RAPGEFL1: variants seen among roughly 807,000 people sequenced by gnomAD.
The protein encoded by RAPGEFL1 is rap guanine nucleotide exchange factor-like 1.
Under a neutral mutation model 64.4 loss-of-function variants are expected in RAPGEFL1, and 31 were observed. The ratio of observed to expected loss-of-function variants is 0.48; its 90% CI spans 0.36 to 0.65. The LOEUF is 0.65. RAPGEFL1 is among the 30% of genes least tolerant of loss of function. The pLI, the probability that RAPGEFL1 is intolerant of heterozygous loss-of-function variation, is 0.00. For missense variants in RAPGEFL1, 682 were observed against 677.4 expected (o/e 1.01, Z -0.08); for synonymous variants, 331 against 274.1 (o/e 1.21, Z -2.05).
intron 14 of RAPGEFL1, 40 bp downstream of exon 14, chr17:40,193,457 T>C: frequency 1.6e-5 from 26 of 1,610,800 alleles, no homozygotes; most frequent in Non-Finnish European, 2.0e-5. Flanking sequence ...AGATAGAGCT[T>C]TGACTGAACG....
chr17:40,192,856 G>A lies in RAPGEFL1; in HGVS notation c.1745-70G>A, dbSNP rs926944494. The A allele has an allele frequency of 3.2e-4, 461 of 1,419,844 alleles. 4 individuals carry two copies. The highest frequency in any genetic ancestry group is 3.7e-4 in the Admixed American group (22 of 59,540). 88.0% of individuals were successfully genotyped at this position (1,419,844 alleles called of 1,614,324 possible). ...GGTTCTGGGGAAGAGCGGGGTCCTC[G>A]GGTGCAGTGGCCCCTTTCGAACTCC... On this transcript the variant is annotated intron_variant, in intron 12 of 14. Transcript: ENST00000620260.
chr17:40,191,343 G>C lies in RAPGEFL1; in HGVS notation c.1363G>C (p.Gly455Arg). 6.9e-6 allele frequency: 11 copies of C among 1,589,836 alleles called. No individual in the cohort carries two copies. The highest frequency in any genetic ancestry group is 8.5e-6 in the Non-Finnish European group (10 of 1,175,604). The change falls in exon 9 of 15, where the codon GGG (glycine) becomes CGG (arginine). Residue 455 changes from glycine to arginine, a missense_variant. Physicochemically the swap from Gly to Arg is moderately radical, Grantham distance 125. Around this residue, in one of 2 missense-constraint regions of RAPGEFL1, gnomAD observed 411 missense variants for 519.4 expected, o/e 0.79. Transcript: ENST00000620260. The surrounding 1 kb of genome is among the most constrained non-coding windows in gnomAD (Gnocchi z 5.1). ...ELEFVDYVFH[G>R]ERGRRETANL... ...GGAGTTCGTGGACTACGTGTTCCAC[G>C]GGGAGCGCGGCCGCCGGGAGACGGC...
intron 1 of RAPGEFL1, among the ~76,000 whole-genome samples, chr17:40,178,615 TTAC>T (rs1821241834): frequency 6.6e-6 from 1 of 152,192 alleles, no homozygotes; most frequent in South Asian, 2.1e-4. Flanking sequence ...GCTGAGCCTC[TTAC>T]TCTCCTTCAG....
Position 40,193,839 on chromosome 17 carries a change from A to G in RAPGEFL1, c.*51A>G, listed in dbSNP as rs767139378. ...CAGATCCTTGGGCACCTGGCACTCA[A>G]GCACTTTGCACGATGTCTCAACCAA... On this transcript the variant is annotated 3_prime_UTR_variant, in exon 15 of 15. Coordinates refer to ENST00000620260, the MANE Select transcript of RAPGEFL1 (RefSeq NM_016339.6). The G allele has an allele frequency of 6.2e-7, 1 of 1,611,478 alleles. No individual in the cohort carries two copies. Among genetic ancestry groups the G allele is most frequent in the East Asian group, 2.2e-5 (1 of 44,798 alleles).
chr17:40,186,259 G>A (rs991993183), intron 4 of RAPGEFL1, among the ~76,000 whole-genome samples: 38 of 142,544 alleles, frequency 2.7e-4, no homozygotes, highest in African/African-American at 8.9e-4. Flanking sequence ...GGGTGACAGA[G>A]TGGACTCCGT....
In RAPGEFL1 at chr17:40,184,420, A is replaced by G. The variant is rs1989997828; in HGVS notation, c.735+71A>G. ...GGAAGGGGGCCCCTGTGAAGGAGCCATACTTCTCATTCTGGGTACCTGGAA... is the reference window on the plus strand; with the variant it reads ...GGAAGGGGGCCCCTGTGAAGGAGCCGTACTTCTCATTCTGGGTACCTGGAA... On this transcript the variant is annotated intron_variant, in intron 3 of 14. Coordinates refer to ENST00000620260, the MANE Select transcript of RAPGEFL1 (RefSeq NM_016339.6). 6.6e-6 allele frequency: 9 copies of G among 1,357,982 alleles called. No homozygotes were observed. The South Asian group carries it at 9.1e-5, about 14-fold the overall frequency. The allele number at this position is 1,357,982 out of a possible 1,614,324, so 84.1% of individuals were successfully genotyped here.
intron 10 of RAPGEFL1, 33 bp from the exon 11 acceptor site, chr17:40,192,180 T>C: frequency 6.2e-7 from 1 of 1,605,200 alleles, no homozygotes; most frequent in Non-Finnish European, 8.5e-7. Flanking sequence ...AGCTCCACTC[T>C]GATATCCCTT....
At position 40,190,735 on chromosome 17, in the gene RAPGEFL1, C is replaced by T. The variant is rs746500316; in HGVS notation, c.1308C>T (p.His436=). ...TTGCCAACCACCTAACTGCCTTCCA[C>T]TGGGAGCTGTTCCGATGTGTGCATG... is the stretch of plus-strand genomic sequence containing the variant. ...EDVANHLTAF[H]WELFRCVHEL... is the part of the protein sequence containing the mutation. The change falls in exon 8 of 15, where the codon CAC becomes CAT. Residue 436 remains histidine, a synonymous_variant. Transcript: ENST00000620260. The T allele has an allele frequency of 1.2e-5, 20 of 1,614,188 alleles. No individual in the cohort carries two copies. The highest frequency in any genetic ancestry group is 3.3e-5 in the South Asian group (3 of 91,074).
chr17:40,190,674 G>C lies in RAPGEFL1; in HGVS notation c.1247G>C (p.Gly416Ala). The C allele has an allele frequency of 1.9e-6, 3 of 1,614,170 alleles. No individual in the cohort carries two copies. Among genetic ancestry groups the C allele is most frequent in the Non-Finnish European group, 2.5e-6 (3 of 1,180,026 alleles). The change falls in exon 8 of 15, where the codon GGA (glycine) becomes GCA (alanine). Residue 416 changes from glycine to alanine, a missense_variant. Transcript: ENST00000620260. Reference protein sequence around the residue: ...PLPEEIQVSPGDTEIHRVEPE... With the variant: ...PLPEEIQVSPADTEIHRVEPE... ...CCCGAGGAGATCCAGGTCTCCCCTG[G>C]AGACACAGAGATCCACCGAGTGGAG...
At position 40,194,789 on chromosome 17, in the gene RAPGEFL1, C is replaced by T. The variant is rs1048696667; in HGVS notation, c.*1001C>T. 1 of 152,452 alleles carries T rather than the reference C, an allele frequency of 6.6e-6. No individual in the cohort carries two copies. Among genetic ancestry groups the T allele is most frequent in the African/African-American group, 2.4e-5 (1 of 41,452 alleles). The allele number at this position is 152,452 out of a possible 1,614,324, so 9.4% of individuals were successfully genotyped here. A position where few individuals can be genotyped will look rare whatever the true frequency, so the allele number is the denominator to read the frequency against. On this transcript the variant is annotated 3_prime_UTR_variant, in exon 15 of 15. Transcript: ENST00000620260. ...CTGACACCAACAACATGGTCTCTGTCCCTCTCTCTTTGACTCTCCCTTTGT... is the reference window on the plus strand; with the variant it reads ...CTGACACCAACAACATGGTCTCTGTTCCTCTCTCTTTGACTCTCCCTTTGT...
chr17:40,189,071 G>A, intron 5 of RAPGEFL1, 93 bp downstream of exon 5: 1 of 1,466,052 alleles, frequency 6.8e-7, no homozygotes, highest in Non-Finnish European at 9.5e-7. Flanking sequence ...ATCTCCCTGG[G>A]TGGTAGAACC....
At position 40,188,853 on chromosome 17, in the gene RAPGEFL1, G is replaced by A; in HGVS notation, c.834-13G>A. On this transcript the variant is annotated splice_polypyrimidine_tract_variant and intron_variant, in intron 4 of 14. Transcript: ENST00000620260. ...TGGCAGGGCGTGCTGATGCCCAGCT[G>A]TGTCCATGCCAGGATTCCAGAGGAG... The A allele has an allele frequency of 1.2e-6, 2 of 1,610,576 alleles. No homozygotes were observed. The highest frequency in any genetic ancestry group is 1.3e-5 in the African/African-American group (1 of 74,984).
rs1440681863 is a variant in RAPGEFL1 at position 40,177,759 on chromosome 17, T to A, written c.-103T>A. On this transcript the variant is annotated 5_prime_UTR_variant, in exon 1 of 15. Coordinates refer to ENST00000620260, the MANE Select transcript of RAPGEFL1 (RefSeq NM_016339.6). ...TCTGGCGCCTGGCACGGCCCTCTAC[T>A]CTGCTCCTCCAGCTCTGAGCATCGT... 4.9e-6 allele frequency: 2 copies of A among 410,508 alleles called. No homozygotes were observed. The highest frequency in any genetic ancestry group is 4.1e-5 in the African/African-American group (2 of 48,400). 25.4% of individuals were successfully genotyped at this position (410,508 alleles called of 1,614,324 possible).
At chr17:40,190,815 T>C in intron 8 of RAPGEFL1, 53 bp downstream of exon 8, 8 of 1,603,948 alleles carry the variant, frequency 5.0e-6, no homozygotes, top group South Asian at 3.3e-5. Context: ...AAATGTGCCA[T>C]TGGGAGACGG....
At position 40,177,614 on chromosome 17, in the gene RAPGEFL1, C is replaced by T. The variant is rs1989750203; in HGVS notation, c.-248C>T. On this transcript the variant is annotated 5_prime_UTR_variant, in exon 1 of 15. Coordinates refer to ENST00000620260, the MANE Select transcript of RAPGEFL1 (RefSeq NM_016339.6). ...CGCAGCCTGCCCACTCTTCGGGCCG[C>T]GTGCCGGCTGCAGCCGGCATGGGGG... 1.0e-5 allele frequency: 4 copies of T among 390,188 alleles called. No individual in the cohort carries two copies. Among genetic ancestry groups the T allele is most frequent in the Non-Finnish European group, 1.8e-5 (4 of 223,872 alleles). The allele number at this position is 390,188 out of a possible 1,614,324, so 24.2% of individuals were successfully genotyped here.
rs1670561632 is a variant in RAPGEFL1, at chr17:40,191,726, G to A, written c.1605+54G>A. On this transcript the variant is annotated intron_variant, in intron 10 of 14. Transcript: ENST00000620260. This position sits in a 1 kb window ranked among gnomAD's most constrained non-coding sequence, Gnocchi z 5.1. ...GGAATCTGGGCATCCCGGGCTCCCC[G>A]AAGTGCGTCCTCCCGGGACGGCCGC... The A allele has an allele frequency of 3.2e-6, 5 of 1,542,722 alleles. No homozygotes were observed. Among genetic ancestry groups the A allele is most frequent in the Admixed American group, 3.8e-5 (2 of 53,014 alleles).
In RAPGEFL1 at chr17:40,189,281, C is replaced by T. The variant is rs755541629; in HGVS notation, c.1020C>T (p.Asp340=). The change falls in exon 6 of 15, where the codon GAC becomes GAT. Residue 340 remains aspartate, a synonymous_variant. Transcript: ENST00000620260. ...IRSRLSASVQ[D]ILGSVTEKLQ... The stretch of plus-strand genomic sequence containing the variant: ...GCCGCCTTTCAGCATCTGTGCAGGA[C>T]ATTCTGGGCTCTGTGACGGAGAAAC... 1 of 1,614,140 alleles carries T rather than the reference C, an allele frequency of 6.2e-7. No individual in the cohort carries two copies. The highest frequency in any genetic ancestry group is 8.5e-7 in the Non-Finnish European group (1 of 1,179,974).
At chr17:40,186,680 G>C (rs1990088706) in intron 4 of RAPGEFL1, among the ~76,000 whole-genome samples, 1 of 148,586 alleles carries the variant, frequency 6.7e-6, no homozygotes, top group African/African-American at 2.5e-5. Flanking sequence ...GGCAGAATGA[G>C]GTCAAGAGAT....
At chr17:40,184,512 C>G in intron 3 of RAPGEFL1, 69 bp from the exon 4 acceptor site, 1 of 1,185,112 alleles carries the variant, frequency 8.4e-7, no homozygotes, top group Non-Finnish European at 1.2e-6. Context: ...AGACCTTGCC[C>G]GGCCCCTGCA....
Sources: gnomAD v4.1 joint callset for allele counts (sites outside exome capture counted in the v4.1 genomes callset) on GRCh38, gnomAD v4.1.1 for gene constraint, gnomAD v4.1.1 regional missense constraint, Gnocchi (gnomAD v3.1) non-coding constraint, MANE v1.5 for transcripts, NCBI Gene and HGNC (gene_info 2026-07-23, HGNC 2026-07-21) for gene names.